Variants in CPAP observed in about 807,000 individuals in gnomAD.
CPAP encodes the protein centrosome assembly and centriole elongation protein.
At chr13:24,908,046 AATC>A in the CPAP span, 8 of 1,612,506 alleles carry the variant, frequency 5.0e-6, no homozygotes, top group East Asian at 6.7e-5. Context: ...ACTTCTGAGG[AATC>A]ATCATGTTTT....
chr13:24,931,823 T>A, the CPAP span, among the ~76,000 whole-genome samples: 2 of 152,226 alleles, frequency 1.3e-5, no homozygotes, highest in African/African-American at 4.8e-5. Flanking sequence ...TTCCCGCCCT[T>A]GCGAATCCCT....
the CPAP span, among the ~76,000 whole-genome samples, chr13:24,916,144 T>C: frequency 6.6e-6 from 1 of 152,038 alleles, no homozygotes; most frequent in Non-Finnish European, 1.5e-5. Context: ...TTTTTTACAA[T>C]AGGAGAAATA....
At chr13:24,894,278 G>A in the CPAP span, among the ~76,000 whole-genome samples, 18 of 152,368 alleles carry the variant, frequency 1.2e-4, no homozygotes, top group South Asian at 2.3e-3. Context: ...GGTAAGAGCG[G>A]AGGCCAAGCC....
At chr13:24,929,764 T>C in the CPAP span, among the ~76,000 whole-genome samples, 1 of 152,208 alleles carries the variant, frequency 6.6e-6, no homozygotes, top group Non-Finnish European at 1.5e-5. Flanking sequence ...CTGGTACACT[T>C]GATGGTGTCC....
chr13:24,933,957 C>A, the CPAP span, among the ~76,000 whole-genome samples: 1 of 152,180 alleles, frequency 6.6e-6, no homozygotes, highest in South Asian at 2.1e-4. Context: ...AACTCCTGAC[C>A]TCATGTCATC....
chr13:24,913,717 A>T, the CPAP span, among the ~76,000 whole-genome samples: 1 of 152,252 alleles, frequency 6.6e-6, no homozygotes, highest in African/African-American at 2.4e-5. Flanking sequence ...AGTTCCTTGA[A>T]GATATCTATA....
At chr13:24,906,716 T>C in the CPAP span, 3 of 1,614,220 alleles carry the variant, frequency 1.9e-6, no homozygotes, top group African/African-American at 2.7e-5. Flanking sequence ...AGCTTTACTG[T>C]CCTTTTTAAG....
chr13:24,907,365 T>A, the CPAP span, among the ~76,000 whole-genome samples: 1 of 152,130 alleles, frequency 6.6e-6, no homozygotes, highest in South Asian at 2.1e-4. Flanking sequence ...CACCTTAAAA[T>A]AAAGAAACAT....
At chr13:24,899,037 A>G in the CPAP span, among the ~76,000 whole-genome samples, 1 of 152,320 alleles carries the variant, frequency 6.6e-6, no homozygotes, top group African/African-American at 2.4e-5. Context: ...TAAGTTTTAG[A>G]ATTAAACACC....
chr13:24,933,216 A>G, the CPAP span: 324,736 of 1,086,338 alleles, frequency 0.3, 50,202 homozygotes, highest in Admixed American at 0.42. Context: ...AGAAGAGGAA[A>G]CAGAGATTAG....
the CPAP span, among the ~76,000 whole-genome samples, chr13:24,887,695 A>G: frequency 2.0e-5 from 3 of 152,186 alleles, no homozygotes. Context: ...TAAAGTGCAC[A>G]ATAAATTTAA....
the CPAP span, among the ~76,000 whole-genome samples, chr13:24,908,458 A>AAAAAAG: frequency 1.5e-5 from 2 of 129,222 alleles, no homozygotes; most frequent in Admixed American, 8.0e-5. Context: ...AAAAAAAAAA[A>AAAAAAG]AAAAAATTAG....
the CPAP span, chr13:24,905,865 T>A: frequency 6.2e-7 from 1 of 1,614,210 alleles, no homozygotes; most frequent in Non-Finnish European, 8.5e-7. Flanking sequence ...CTGCTGCTGA[T>A]GCCCCTCTCT....
At chr13:24,892,679 C>T in the CPAP span, 1 of 1,614,156 alleles carries the variant, frequency 6.2e-7, no homozygotes, top group Non-Finnish European at 8.5e-7. Flanking sequence ...CGAGGCTGCT[C>T]TCTATGGCTT....
At chr13:24,923,914 T>C in the CPAP span, among the ~76,000 whole-genome samples, 14 of 152,276 alleles carry the variant, frequency 9.2e-5, no homozygotes, top group East Asian at 1.9e-3. Flanking sequence ...CTGCAAGCTC[T>C]GCCTGCCGGG....
At chr13:24,895,230 G>T in the CPAP span, among the ~76,000 whole-genome samples, 809 of 152,380 alleles carry the variant, frequency 5.3e-3, 22 homozygotes, top group East Asian at 0.081. Context: ...CAGCCCCGGA[G>T]GAGCCCGGCT....
chr13:24,909,022 T>C, the CPAP span, among the ~76,000 whole-genome samples: 1 of 152,336 alleles, frequency 6.6e-6, no homozygotes, highest in South Asian at 2.1e-4. Flanking sequence ...AAAAGATATA[T>C]ATACACATAC....
chr13:24,919,676 T>C, the CPAP span, among the ~76,000 whole-genome samples: 3 of 152,248 alleles, frequency 2.0e-5, no homozygotes, highest in Non-Finnish European at 4.4e-5. Flanking sequence ...CACCTTGGCT[T>C]CCCAAAGTGC....
the CPAP span, chr13:24,883,104 AG>A: frequency 7.6e-7 from 1 of 1,310,118 alleles, no homozygotes; most frequent in Non-Finnish European, 1.1e-6. Flanking sequence ...TAAATTAAAC[AG>A]AATCCACAGT....
Sources: allele counts gnomAD v4.1 joint callset (sites outside exome capture counted in the v4.1 genomes callset), GRCh38; gene constraint gnomAD v4.1.1; transcripts MANE v1.5; gene names NCBI Gene and HGNC (gene_info 2026-07-23, HGNC 2026-07-21).